KCNMA1: variants seen among roughly 807,000 people sequenced by gnomAD.
The protein encoded by KCNMA1 is potassium calcium-activated channel subfamily M alpha 1, also known as Calcium-activated potassium channel subunit alpha-1.
In KCNMA1, 29 loss-of-function variants were observed where a neutral mutation model predicts 140.0. That is an observed-to-expected ratio of 0.21 (90% CI 0.15 to 0.28). The LOEUF (loss-of-function observed/expected upper bound fraction) is 0.28. Ranked by LOEUF, KCNMA1 falls within the 10% of genes least tolerant of loss-of-function variation. KCNMA1 has a pLI of 1.00. For synonymous variants in KCNMA1, 612 were observed against 611.9 expected, an observed-to-expected ratio of 1.00 and a Z score of 0.00; for missense variants, 880 against 1,602.2, an observed-to-expected ratio of 0.55 and a Z score of 7.70.
intron 5 of KCNMA1, among the ~76,000 whole-genome samples, chr10:77,121,726 G>A (rs752500941): frequency 2.0e-5 from 3 of 152,174 alleles, no homozygotes; most frequent in African/African-American, 7.2e-5. Flanking sequence ...TCAGTGTTTA[G>A]GTGGCAGAAG....
At chr10:77,411,621 A>C (rs1452039788) in intron 1 of KCNMA1, among the ~76,000 whole-genome samples, 1 of 152,172 alleles carries the variant, frequency 6.6e-6, no homozygotes, top group East Asian at 1.9e-4. Flanking sequence ...ATGCATGTGC[A>C]AGGATTATTG....
chr10:77,441,784 C>T (rs10762760), intron 1 of KCNMA1, among the ~76,000 whole-genome samples: 37,859 of 151,952 alleles, frequency 0.25, 6,368 homozygotes, highest in African/African-American at 0.48. Flanking sequence ...AGGGCTGATC[C>T]GCTTAATTAT....
intron 5 of KCNMA1, among the ~76,000 whole-genome samples, chr10:77,132,092 T>G (rs1018209022): frequency 1.3e-5 from 2 of 151,764 alleles, no homozygotes; most frequent in Non-Finnish European, 2.9e-5. Context: ...CCCTTAAGGA[T>G]ACAACATTAA....
intron 1 of KCNMA1, among the ~76,000 whole-genome samples, chr10:77,618,594 CAGG>C (rs765887714): frequency 3.3e-5 from 5 of 152,174 alleles, no homozygotes; most frequent in African/African-American, 4.8e-5. Flanking sequence ...ACTGGTTCTT[CAGG>C]AGAACAGGAA....
chr10:77,114,703 C>T lies in KCNMA1; in HGVS notation c.885-2261G>A, dbSNP rs556022955. On this transcript the variant is annotated intron_variant, in intron 6 of 27. Coordinates refer to ENST00000286628, the MANE Select transcript of KCNMA1 (RefSeq NM_001161352.2). ...ATCTGCAAGACAAAGTGACTTTCCC[C>T]GGCTCTCAACTCCAGCCATTCATTG... Among the ~76,000 whole-genome samples the T allele has an allele frequency of 1.8e-4, 28 of 152,340 alleles. 1 individual carries two copies. Among genetic ancestry groups the T allele is most frequent in the African/African-American group, 6.0e-4 (25 of 41,582 alleles).
At chr10:76,994,319 G>A (rs2083582063) in intron 19 of KCNMA1, among the ~76,000 whole-genome samples, 1 of 152,220 alleles carries the variant, frequency 6.6e-6, no homozygotes, top group African/African-American at 2.4e-5. Context: ...GGGGAGTAGT[G>A]CCTGTAATGC....
chr10:77,042,316 C>T (rs1457483195), intron 14 of KCNMA1, among the ~76,000 whole-genome samples: 1 of 152,160 alleles, frequency 6.6e-6, no homozygotes, highest in Non-Finnish European at 1.5e-5. Flanking sequence ...AAAAGATATG[C>T]TTGACTTATA....
At chr10:77,494,889 G>C (rs1487799704) in intron 1 of KCNMA1, among the ~76,000 whole-genome samples, 1 of 152,142 alleles carries the variant, frequency 6.6e-6, no homozygotes, top group Non-Finnish European at 1.5e-5. Flanking sequence ...TTGGCTTACA[G>C]ATTCATCACC....
chr10:76,988,775 G>A (rs2081971925), intron 19 of KCNMA1, among the ~76,000 whole-genome samples: 1 of 152,140 alleles, frequency 6.6e-6, no homozygotes, highest in Non-Finnish European at 1.5e-5. Context: ...GAGACCTGAA[G>A]TCACAGTTTT....
chr10:77,408,408 G>A (rs2096538411), intron 1 of KCNMA1, among the ~76,000 whole-genome samples: 1 of 152,100 alleles, frequency 6.6e-6, no homozygotes, highest in African/African-American at 2.4e-5. Flanking sequence ...GTGCATGTGT[G>A]AGAGTGTGTG....
intron 1 of KCNMA1, among the ~76,000 whole-genome samples, chr10:77,566,664 G>A (rs1404364478): frequency 6.6e-6 from 1 of 152,192 alleles, no homozygotes; most frequent in Non-Finnish European, 1.5e-5. Flanking sequence ...GAAAGGTTCA[G>A]AAGCTGCACC....
intron 5 of KCNMA1, among the ~76,000 whole-genome samples, chr10:77,175,099 G>T (rs1452151426): frequency 1.3e-5 from 2 of 152,104 alleles, no homozygotes; most frequent in Non-Finnish European, 2.9e-5. Context: ...CCAACTCGCG[G>T]TTTCTGATCC....
intron 5 of KCNMA1, among the ~76,000 whole-genome samples, chr10:77,143,635 C>T (rs1360251275): frequency 6.6e-6 from 1 of 152,126 alleles, no homozygotes; most frequent in Non-Finnish European, 1.5e-5. Flanking sequence ...AATCTGAAGC[C>T]TCTATAAACA....
chr10:76,933,589 G>A (rs913426186), intron 23 of KCNMA1, among the ~76,000 whole-genome samples: 8 of 152,102 alleles, frequency 5.3e-5, no homozygotes, highest in Admixed American at 3.3e-4. Context: ...CATGCCTGTC[G>A]GAACCTTTAT....
At chr10:77,257,226 C>T (rs917274421) in intron 2 of KCNMA1, among the ~76,000 whole-genome samples, 1 of 152,144 alleles carries the variant, frequency 6.6e-6, no homozygotes, top group Admixed American at 6.5e-5. Context: ...TGTTTTTGTC[C>T]TGGTGAATTT....
At chr10:77,074,920 G>C (rs757800666) in intron 13 of KCNMA1, among the ~76,000 whole-genome samples, 2 of 152,180 alleles carry the variant, frequency 1.3e-5, no homozygotes, top group African/African-American at 4.8e-5. Context: ...TTCACTTTCA[G>C]AACAATATAC....
chr10:77,479,154 G>A (rs938100957), intron 1 of KCNMA1, among the ~76,000 whole-genome samples: 1 of 152,172 alleles, frequency 6.6e-6, no homozygotes, highest in Non-Finnish European at 1.5e-5. Flanking sequence ...TAAGCAATGC[G>A]AGGGTATTAA....
At chr10:77,572,251 C>G (rs1316469106) in intron 1 of KCNMA1, among the ~76,000 whole-genome samples, 1 of 151,836 alleles carries the variant, frequency 6.6e-6, no homozygotes, top group Non-Finnish European at 1.5e-5. Flanking sequence ...TTAGAAACTA[C>G]AATTCAGAAT....
intron 1 of KCNMA1, among the ~76,000 whole-genome samples, chr10:77,577,140 C>T (rs750334937): frequency 2.5e-4 from 38 of 151,852 alleles, no homozygotes; most frequent in Non-Finnish European, 4.1e-4. Flanking sequence ...CTCTGCCTCC[C>T]GGGTTCAAGC....
Sources: gnomAD v4.1 joint callset for allele counts (sites outside exome capture counted in the v4.1 genomes callset) on GRCh38, gnomAD v4.1.1 for gene constraint, MANE v1.5 for transcripts, NCBI Gene and HGNC (gene_info 2026-07-23, HGNC 2026-07-21) for gene names.